Variants in KIAA1217 observed in about 807,000 individuals in gnomAD.
KIAA1217 encodes the protein KIAA1217, also known as sickle tail protein homolog.
A neutral mutation model predicts 163.9 loss-of-function variants in KIAA1217; 88 were observed. The ratio of observed to expected loss-of-function variants is 0.54; its 90% confidence interval spans 0.45 to 0.64. The LOEUF (loss-of-function observed/expected upper bound fraction) is 0.64. Ranked by LOEUF, KIAA1217 falls within the 30% of genes least tolerant of loss-of-function variation. The pLI, the probability that KIAA1217 is intolerant of heterozygous loss-of-function variation, is 0.00. For missense variants in KIAA1217, 2,372 were observed against 2,475.0 expected, an observed-to-expected ratio of 0.96 and a Z score of 0.88; for synonymous variants, 903 against 923.1, an observed-to-expected ratio of 0.98 and a Z score of 0.39.
intron 2 of KIAA1217, among the ~76,000 whole-genome samples, chr10:24,233,776 A>G (rs1207511455): frequency 6.6e-6 from 1 of 152,148 alleles, no homozygotes; most frequent in African/African-American, 2.4e-5. Context: ...ACGCACACAT[A>G]TATATTGGGT....
intron 2 of KIAA1217, among the ~76,000 whole-genome samples, chr10:24,236,337 G>A (rs969151307): frequency 4.6e-5 from 7 of 151,772 alleles, no homozygotes; most frequent in African/African-American, 9.7e-5. Flanking sequence ...TGGAATCTCC[G>A]CCTCCCAGAT....
At chr10:23,978,160 G>A (rs544264214) in intron 1 of KIAA1217, among the ~76,000 whole-genome samples, 2 of 152,198 alleles carry the variant, frequency 1.3e-5, no homozygotes, top group South Asian at 2.1e-4. Context: ...TGGTGATTTC[G>A]GATGAGGAAT....
At chr10:23,828,256 G>A (rs1044043404) in intron 1 of KIAA1217, among the ~76,000 whole-genome samples, 2 of 152,202 alleles carry the variant, frequency 1.3e-5, no homozygotes, top group Non-Finnish European at 1.5e-5. Context: ...TTGTGCCAGT[G>A]TCCCTGGGAG....
chr10:24,506,522 T>C (rs573824729), intron 9 of KIAA1217, among the ~76,000 whole-genome samples: 114 of 152,340 alleles, frequency 7.5e-4, no homozygotes, highest in African/African-American at 2.7e-3. Context: ...AGAGTGCTTA[T>C]AAAAATGGCA....
At chr10:23,873,286 T>C (rs989370566) in intron 1 of KIAA1217, among the ~76,000 whole-genome samples, 1 of 152,090 alleles carries the variant, frequency 6.6e-6, no homozygotes, top group African/African-American at 2.4e-5. Flanking sequence ...CAAATTATGT[T>C]TGGTATATCC....
chr10:24,194,936 G>A (rs909883807), intron 2 of KIAA1217, among the ~76,000 whole-genome samples: 1 of 151,960 alleles, frequency 6.6e-6, no homozygotes, highest in Non-Finnish European at 1.5e-5. Context: ...GTATATGACT[G>A]TTCTTCTCTG....
Position 24,289,916 on chromosome 10 carries a change from G to C in KIAA1217, c.354+70007G>C, listed in dbSNP as rs540447431. Among the ~76,000 whole-genome samples, 60 of 152,230 alleles carry C rather than the reference G, an allele frequency of 3.9e-4. 1 individual carries two copies. The highest frequency in any genetic ancestry group is 1.1e-3 in the African/African-American group (45 of 41,542). On this transcript the variant is annotated intron_variant, in intron 2 of 20. Transcript: ENST00000376454. The stretch of plus-strand genomic sequence containing the variant: ...ATGGCACCCAGTCTTTTTAATAGTA[G>C]GCTGAAAGAAGATACAGATGGTCAA...
At chr10:24,276,258 G>A (rs968788608) in intron 2 of KIAA1217, among the ~76,000 whole-genome samples, 2 of 152,108 alleles carry the variant, frequency 1.3e-5, no homozygotes, top group Non-Finnish European at 2.9e-5. Context: ...TGAACAGAAC[G>A]CAGAAACACA....
intron 1 of KIAA1217, among the ~76,000 whole-genome samples, chr10:23,788,073 C>T (rs1835575146): frequency 6.6e-6 from 1 of 152,114 alleles, no homozygotes; most frequent in Non-Finnish European, 1.5e-5. Context: ...TGGCACACAC[C>T]TGTAGTCCCA....
At chr10:24,285,784 T>G (rs1344266241) in intron 2 of KIAA1217, among the ~76,000 whole-genome samples, 2 of 152,224 alleles carry the variant, frequency 1.3e-5, no homozygotes, top group African/African-American at 2.4e-5. Flanking sequence ...TTAGATTGCT[T>G]TGGGCAGTAT....
intron 1 of KIAA1217, among the ~76,000 whole-genome samples, chr10:23,708,901 A>G (rs1293705444): frequency 6.6e-6 from 1 of 152,100 alleles, no homozygotes; most frequent in Non-Finnish European, 1.5e-5. Context: ...TGGACAGACT[A>G]GAGCTTTGTT....
At chr10:24,118,075 T>C (rs2063128857) in intron 2 of KIAA1217, among the ~76,000 whole-genome samples, 1 of 150,718 alleles carries the variant, frequency 6.6e-6, no homozygotes, top group South Asian at 2.1e-4. Flanking sequence ...GACCAAATCA[T>C]CTGTGTACCA....
intron 6 of KIAA1217, among the ~76,000 whole-genome samples, chr10:24,475,828 C>T (rs1207093615): frequency 6.6e-6 from 1 of 152,182 alleles, no homozygotes; most frequent in African/African-American, 2.4e-5. Flanking sequence ...GTGTTGCATA[C>T]TTCACAGAAA....
chr10:24,002,589 G>A (rs1380181998), intron 1 of KIAA1217, among the ~76,000 whole-genome samples: 1 of 152,110 alleles, frequency 6.6e-6, no homozygotes, highest in African/African-American at 2.4e-5. Context: ...GCAATTAAAT[G>A]TATTATTTAA....
chr10:23,944,501 CTAAT>C lies in KIAA1217; in HGVS notation c.-320-62720_-320-62717del, dbSNP rs1021426774. Among the ~76,000 whole-genome samples the C allele has an allele frequency of 7.3e-4, 111 of 151,630 alleles. 1 individual carries two copies. The highest frequency in any genetic ancestry group is 2.6e-3 in the African/African-American group (108 of 41,354). ...AAGCAACAAAAAATACACAAAACAT[CTAAT>C]TAAACAGTTGAAAAATACTTGAGCA... On this transcript the variant is annotated intron_variant, in intron 1 of 18. Coordinates refer to the KIAA1217 transcript ENST00000376462.
At chr10:24,216,832 A>G (rs2068885056) in intron 1 of KIAA1217, among the ~76,000 whole-genome samples, 2 of 149,762 alleles carry the variant, frequency 1.3e-5, no homozygotes, top group Non-Finnish European at 3.0e-5. Context: ...GTGTCCAAAA[A>G]AAAAAAAAAA....
intron 1 of KIAA1217, among the ~76,000 whole-genome samples, chr10:23,946,551 C>A (rs1589126397): frequency 6.6e-6 from 1 of 152,250 alleles, no homozygotes; most frequent in East Asian, 1.9e-4. Context: ...CATGTCTTTA[C>A]CTTCCAGAGA....
chr10:23,846,258 A>G (rs186826968), intron 1 of KIAA1217, among the ~76,000 whole-genome samples: 26 of 152,224 alleles, frequency 1.7e-4, no homozygotes, highest in African/African-American at 5.5e-4. Context: ...GTGTTTTCCA[A>G]TTCCTTGAAG....
intron 1 of KIAA1217, among the ~76,000 whole-genome samples, chr10:23,886,116 C>G (rs1332942497): frequency 6.6e-6 from 1 of 151,838 alleles, no homozygotes; most frequent in Non-Finnish European, 1.5e-5. Flanking sequence ...GGGTCTGCAG[C>G]TGTTAGTAGA....
Sources: gnomAD v4.1 joint callset for allele counts (sites outside exome capture counted in the v4.1 genomes callset) on GRCh38, gnomAD v4.1.1 for gene constraint, MANE v1.5 for transcripts, NCBI Gene and HGNC (gene_info 2026-07-23, HGNC 2026-07-21) for gene names.